PAK1: variants seen among roughly 807,000 people sequenced by gnomAD.
PAK1 encodes the protein p21 (RAC1) activated kinase 1.
A neutral mutation model predicts 67.4 loss-of-function variants in PAK1; 29 were observed. The observed-to-expected ratio is 0.43, with a 90% CI of 0.32 to 0.59. The LOEUF (loss-of-function observed/expected upper bound fraction) is 0.59, where lower values mean the gene tolerates loss of function less well. Among genes scored for constraint, PAK1 ranks in the 20% least tolerant of loss-of-function variants. PAK1 has a pLI of 0.07. For missense variants in PAK1, 337 were observed against 670.7 expected, an observed-to-expected ratio of 0.50 and a Z score of 5.50; for synonymous variants, 223 against 237.4, an observed-to-expected ratio of 0.94 and a Z score of 0.56.
chr11:77,381,158 T>C (rs1333752102), intron 2 of PAK1, among the ~76,000 whole-genome samples: 1 of 139,018 alleles, frequency 7.2e-6, no homozygotes, highest in Non-Finnish European at 1.6e-5. Context: ...TGTGTGTGTG[T>C]GTGTGTGTGT....
chr11:77,479,275 C>T (rs532029813), upstream of PAK1, among the ~76,000 whole-genome samples: 7 of 152,194 alleles, frequency 4.6e-5, 1 homozygote, highest in Admixed American at 1.3e-4. Context: ...GATGAGAATG[C>T]AGCCCTCCGA....
At chr11:77,434,857 G>C (rs1956040319) in intron 1 of PAK1, among the ~76,000 whole-genome samples, 1 of 152,034 alleles carries the variant, frequency 6.6e-6, no homozygotes, top group South Asian at 2.1e-4. Flanking sequence ...GAGCTCAAGA[G>C]ATCTGCCTAC....
intron 5 of PAK1, among the ~76,000 whole-genome samples, chr11:77,363,292 G>GAT (rs949128442): frequency 6.6e-6 from 1 of 152,124 alleles, no homozygotes; most frequent in Non-Finnish European, 1.5e-5. Context: ...AACCCAGAGA[G>GAT]GAGATGAGAT....
At chr11:77,522,187 A>G in the PAK1 span, among the ~76,000 whole-genome samples, 2 of 152,378 alleles carry the variant, frequency 1.3e-5, no homozygotes, top group South Asian at 4.1e-4. Flanking sequence ...TTTTAAAGCC[A>G]GGCCAGCGAT....
At chr11:77,498,006 T>G in the PAK1 span, among the ~76,000 whole-genome samples, 12 of 152,216 alleles carry the variant, frequency 7.9e-5, no homozygotes, top group Admixed American at 7.8e-4. Flanking sequence ...CCTTAGTCTG[T>G]GCAAGTATTT....
chr11:77,462,199 C>T (rs34025917), intron 1 of PAK1, among the ~76,000 whole-genome samples: 34,663 of 151,694 alleles, frequency 0.23, 4,740 homozygotes, highest in Non-Finnish European at 0.31. Context: ...GGCGTGGTGG[C>T]GGGCACCTGT....
chr11:77,379,233 T>A lies in PAK1; in HGVS notation c.439+8A>T, dbSNP rs1235056134. 1 of 1,607,752 alleles carries A rather than the reference T, an allele frequency of 6.2e-7. No individual in the cohort carries two copies. Among genetic ancestry groups the A allele is most frequent in the Admixed American group, 1.7e-5 (1 of 59,524 alleles). On this transcript the variant is annotated splice_region_variant and intron_variant, in intron 4 of 14. Coordinates refer to ENST00000356341, the MANE Select transcript of PAK1 (RefSeq NM_002576.5). ...TTGCTGAGACTGCCCTGGACGCAGT[T>A]CTCATACCTGTAAAGCTCATGTATT...
At chr11:77,388,537 T>C (rs565880640) in intron 2 of PAK1, among the ~76,000 whole-genome samples, 1 of 152,288 alleles carries the variant, frequency 6.6e-6, no homozygotes, top group South Asian at 2.1e-4. Flanking sequence ...GTATTTCTAG[T>C]AGAGACGGGG....
chr11:77,350,866 T>C (rs1179492106), intron 8 of PAK1, among the ~76,000 whole-genome samples: 1 of 152,142 alleles, frequency 6.6e-6, no homozygotes, highest in Non-Finnish European at 1.5e-5. Flanking sequence ...CTAGCTATCT[T>C]CTGTTATAAA....
At chr11:77,400,134 T>C (rs1288218197) in intron 1 of PAK1, among the ~76,000 whole-genome samples, 1 of 152,048 alleles carries the variant, frequency 6.6e-6, no homozygotes, top group Non-Finnish European at 1.5e-5. Flanking sequence ...CATTAGTATA[T>C]AGTGCTTGGC....
chr11:77,434,236 A>G (rs1392634489), intron 1 of PAK1, among the ~76,000 whole-genome samples: 1 of 152,234 alleles, frequency 6.6e-6, no homozygotes, highest in Non-Finnish European at 1.5e-5. Flanking sequence ...AAACAACCCA[A>G]ATATCCATGA....
At chr11:77,522,110 T>C in the PAK1 span, among the ~76,000 whole-genome samples, 40 of 152,362 alleles carry the variant, frequency 2.6e-4, no homozygotes, top group Non-Finnish European at 5.3e-4. Flanking sequence ...AGAATAATTA[T>C]TTCTACATAG....
chr11:77,418,036 G>A (rs1247929603), intron 1 of PAK1, among the ~76,000 whole-genome samples: 3 of 151,478 alleles, frequency 2.0e-5, no homozygotes, highest in East Asian at 1.9e-4. Flanking sequence ...GCGCCCAGCC[G>A]GATTCTGCAT....
At chr11:77,526,452 G>A in the PAK1 span, among the ~76,000 whole-genome samples, 1 of 152,158 alleles carries the variant, frequency 6.6e-6, no homozygotes, top group Non-Finnish European at 1.5e-5. Flanking sequence ...AGGCATAAGA[G>A]TAACATTGTT....
At chr11:77,440,686 C>G (rs1171668061) in intron 1 of PAK1, among the ~76,000 whole-genome samples, 1 of 152,106 alleles carries the variant, frequency 6.6e-6, no homozygotes, top group African/African-American at 2.4e-5. Context: ...AGAAAACAGA[C>G]AGTAGGGAAA....
chr11:77,429,076 A>C (rs1955726605), intron 1 of PAK1, among the ~76,000 whole-genome samples: 3 of 136,948 alleles, frequency 2.2e-5, no homozygotes, highest in Non-Finnish European at 4.6e-5. Context: ...AAAAAAAAAA[A>C]AAAAAAAAAA....
chr11:77,463,194 C>T (rs1159166215), intron 1 of PAK1, among the ~76,000 whole-genome samples: 3 of 151,866 alleles, frequency 2.0e-5, no homozygotes, highest in East Asian at 1.9e-4. Context: ...AAAGTGTTTA[C>T]GGGTGTACTG....
At chr11:77,503,453 C>T in the PAK1 span, among the ~76,000 whole-genome samples, 1 of 152,226 alleles carries the variant, frequency 6.6e-6, no homozygotes, top group African/African-American at 2.4e-5. Context: ...AGTTCTCAAA[C>T]TGTTTGGTCT....
chr11:77,420,356 T>C (rs1367924358), intron 1 of PAK1, among the ~76,000 whole-genome samples: 1 of 152,212 alleles, frequency 6.6e-6, no homozygotes, highest in African/African-American at 2.4e-5. Context: ...TTCGTCACTA[T>C]GGATGCAAAG....
Sources: allele counts gnomAD v4.1 joint callset (sites outside exome capture counted in the v4.1 genomes callset), GRCh38; gene constraint gnomAD v4.1.1; transcripts MANE v1.5; gene names NCBI Gene and HGNC (gene_info 2026-07-23, HGNC 2026-07-21).